Variants in TAAR5 observed in about 807,000 individuals in gnomAD.
TAAR5 encodes trace amine-associated receptor 5.
A neutral mutation model predicts 21.1 loss-of-function variants in TAAR5; 27 were observed. The observed-to-expected ratio is 1.28, with a 90% confidence interval of 0.94 to 1.76. The LOEUF is 1.76. Among genes scored for constraint, TAAR5 ranks in the 40% most tolerant of loss-of-function variants. TAAR5 has a pLI of 0.00. For synonymous variants in TAAR5, 203 were observed against 167.5 expected (o/e 1.21, Z -1.64); for missense variants, 495 against 405.6 (o/e 1.22, Z -1.89).
chr6:132,605,804 T>A, the TAAR5 span, among the ~76,000 whole-genome samples: 1 of 147,068 alleles, frequency 6.8e-6, no homozygotes, highest in East Asian at 1.9e-4. Flanking sequence ...GACTCATGCA[T>A]CTGTATGTTC....
At chr6:132,600,643 T>C in the TAAR5 span, among the ~76,000 whole-genome samples, 1 of 152,188 alleles carries the variant, frequency 6.6e-6, no homozygotes, top group East Asian at 1.9e-4. Flanking sequence ...ACATGATCTT[T>C]CCTTGAGATT....
Position 132,588,618 on chromosome 6 carries a change from T to G in TAAR5, c.*55A>C, listed in dbSNP as rs1776848132. 12 of 1,553,166 alleles carry G rather than the reference T, an allele frequency of 7.7e-6. No homozygotes were observed. ...AACACCACACAGCCCACGGTCACAG[T>G]GCCACTTATCTTTCCTGTGAGGTCC... is the stretch of plus-strand genomic sequence containing the variant. On this transcript the variant is annotated 3_prime_UTR_variant, in exon 1 of 1. Coordinates refer to ENST00000258034, the MANE Select transcript of TAAR5 (RefSeq NM_003967.3).
chr6:132,614,044 A>G, the TAAR5 span, among the ~76,000 whole-genome samples: 1 of 152,242 alleles, frequency 6.6e-6, no homozygotes, highest in Non-Finnish European at 1.5e-5. Context: ...AAAGGAAGAT[A>G]TGAGCTATTA....
the TAAR5 span, among the ~76,000 whole-genome samples, chr6:132,604,446 G>A: frequency 1.3e-5 from 2 of 151,718 alleles, no homozygotes; most frequent in South Asian, 2.1e-4. Flanking sequence ...CCAGGCTGAC[G>A]TATCTTTTCT....
At chr6:132,606,878 C>A in the TAAR5 span, among the ~76,000 whole-genome samples, 37 of 152,272 alleles carry the variant, frequency 2.4e-4, no homozygotes, top group Admixed American at 1.6e-3. Context: ...TCACCTAAGG[C>A]TGACCTTGGT....
At chr6:132,592,685 C>T (rs912943971), upstream of TAAR5, among the ~76,000 whole-genome samples, 1 of 152,184 alleles carries the variant, frequency 6.6e-6, no homozygotes, top group African/African-American at 2.4e-5. Flanking sequence ...CCTCTTCCTC[C>T]TGCTTCAGCC....
At chr6:132,597,408 A>C in the TAAR5 span, among the ~76,000 whole-genome samples, 1 of 152,190 alleles carries the variant, frequency 6.6e-6, no homozygotes, top group East Asian at 1.9e-4. Context: ...TTATGAAAAC[A>C]AGTAACCACA....
the TAAR5 span, among the ~76,000 whole-genome samples, chr6:132,604,709 T>C: frequency 6.6e-6 from 1 of 152,196 alleles, no homozygotes; most frequent in Non-Finnish European, 1.5e-5. Flanking sequence ...CAAAACTTTA[T>C]CTCAGAGCAA....
At chr6:132,612,066 T>C in the TAAR5 span, among the ~76,000 whole-genome samples, 1 of 152,222 alleles carries the variant, frequency 6.6e-6, no homozygotes, top group Non-Finnish European at 1.5e-5. Flanking sequence ...ATTGCCTCTC[T>C]TTATTCTTTG....
the TAAR5 span, among the ~76,000 whole-genome samples, chr6:132,615,227 G>A: frequency 1.1e-4 from 17 of 152,152 alleles, no homozygotes; most frequent in African/African-American, 4.1e-4. Flanking sequence ...GGTCATTCTG[G>A]AAAGATTAAG....
upstream of TAAR5, among the ~76,000 whole-genome samples, chr6:132,590,873 A>G (rs1052220890): frequency 6.6e-6 from 1 of 152,060 alleles, no homozygotes; most frequent in Non-Finnish European, 1.5e-5. Flanking sequence ...TTCTAATTTC[A>G]TTTTTAGTGA....
At chr6:132,602,608 T>A in the TAAR5 span, among the ~76,000 whole-genome samples, 1 of 152,056 alleles carries the variant, frequency 6.6e-6, no homozygotes, top group Non-Finnish European at 1.5e-5. Flanking sequence ...TGTAGCTCAG[T>A]TCCTAACAGT....
chr6:132,608,435 G>C, the TAAR5 span: 1 of 455,774 alleles, frequency 2.2e-6, no homozygotes, highest in Non-Finnish European at 4.4e-6. Flanking sequence ...GAGTAGTCTA[G>C]GTATGGGTCA....
At chr6:132,607,539 T>G in the TAAR5 span, among the ~76,000 whole-genome samples, 1 of 152,134 alleles carries the variant, frequency 6.6e-6, no homozygotes, top group Admixed American at 6.6e-5. Flanking sequence ...GGCCTTGTGA[T>G]TGCTGGCCAA....
chr6:132,606,275 C>A, the TAAR5 span, among the ~76,000 whole-genome samples: 1 of 152,044 alleles, frequency 6.6e-6, no homozygotes, highest in African/African-American at 2.4e-5. Context: ...AAATAAATAT[C>A]CCTCCAAATT....
Position 132,588,796 on chromosome 6 carries a change from G to C in TAAR5, c.891C>G (p.Asn297Lys). ...FDIFIWFAYF[N>K]SACNPIIYVF... ...CATAGATGATGGGGTTGCAGGCTGA[G>C]TTGAAGTAAGCAAACCAGATAAAGA... The change falls in exon 1 of 1, where the codon AAC (asparagine) becomes AAG (lysine). Residue 297 changes from asparagine to lysine, a missense_variant. Physicochemically the swap from Asn to Lys is moderately conservative, Grantham distance 94 (BLOSUM62 0). Coordinates refer to ENST00000258034, the MANE Select transcript of TAAR5 (RefSeq NM_003967.3). The C allele has an allele frequency of 6.2e-7, 1 of 1,614,150 alleles. No individual in the cohort carries two copies. Among genetic ancestry groups the C allele is most frequent in the Non-Finnish European group, 8.5e-7 (1 of 1,180,018 alleles).
At chr6:132,599,574 C>T in the TAAR5 span, among the ~76,000 whole-genome samples, 1 of 152,066 alleles carries the variant, frequency 6.6e-6, no homozygotes, top group African/African-American at 2.4e-5. Flanking sequence ...GGTGATCCAC[C>T]TGCATCCGCC....
chr6:132,610,150 G>C, the TAAR5 span, among the ~76,000 whole-genome samples: 1 of 152,138 alleles, frequency 6.6e-6, no homozygotes, highest in African/African-American at 2.4e-5. Context: ...AATAAAGGAG[G>C]GTGGACAAAT....
At chr6:132,589,742 C>CAAAA (rs567338856), upstream of TAAR5, 140 of 60,852 alleles carry the variant, frequency 2.3e-3, 2 homozygotes, top group East Asian at 7.0e-3. Flanking sequence ...CACTGGAGGG[C>CAAAA]AAAAAAAAAA....
Sources: allele counts gnomAD v4.1 joint callset (sites outside exome capture counted in the v4.1 genomes callset), GRCh38; gene constraint gnomAD v4.1.1; transcripts MANE v1.5; gene names NCBI Gene and HGNC (gene_info 2026-07-23, HGNC 2026-07-21).